Variants in DLG2 observed in about 807,000 individuals in gnomAD.
DLG2 encodes discs large MAGUK scaffold protein 2.
DLG2 carries 45 observed loss-of-function variants against 132.5 expected under a neutral mutation model. That is an observed-to-expected ratio of 0.34 (90% CI 0.27 to 0.44). The LOEUF (loss-of-function observed/expected upper bound fraction) is 0.44, where lower values mean the gene tolerates loss of function less well. Among genes scored for constraint, DLG2 ranks in the 20% least tolerant of loss-of-function variants. The pLI is 1.00. For synonymous variants in DLG2, 424 were observed against 419.6 expected (o/e 1.01, Z -0.13); for missense variants, 1,045 against 1,196.9 (o/e 0.87, Z 1.87).
intron 3 of DLG2, among the ~76,000 whole-genome samples, chr11:85,479,617 G>T (rs144882553): frequency 2.0e-5 from 3 of 152,236 alleles, no homozygotes; most frequent in Admixed American, 2.0e-4. Flanking sequence ...TACTTATCAG[G>T]AAAATGCAAA....
At chr11:85,446,899 A>T (rs2092035275) in intron 3 of DLG2, among the ~76,000 whole-genome samples, 2 of 152,110 alleles carry the variant, frequency 1.3e-5, no homozygotes, top group African/African-American at 4.8e-5. Flanking sequence ...TCTAAGAAAA[A>T]GCTTTGTATA....
intron 6 of DLG2, among the ~76,000 whole-genome samples, chr11:84,622,966 C>T (rs900241443): frequency 2.6e-5 from 4 of 152,114 alleles, no homozygotes; most frequent in African/African-American, 9.7e-5. Flanking sequence ...TCCCTTACAT[C>T]AACTTCCTCC....
At chr11:83,585,035 G>A (rs2097058302) in intron 19 of DLG2, among the ~76,000 whole-genome samples, 1 of 152,140 alleles carries the variant, frequency 6.6e-6, no homozygotes, top group South Asian at 2.1e-4. Context: ...CATCTGTAAA[G>A]TGACCTCCCT....
intron 6 of DLG2, among the ~76,000 whole-genome samples, chr11:84,631,896 G>GT (rs1309143210): frequency 6.6e-6 from 1 of 152,106 alleles, no homozygotes; most frequent in Non-Finnish European, 1.5e-5. Context: ...CTCTGGCATA[G>GT]TTTTTTCTTT....
chr11:84,745,137 A>C (rs2065201061), intron 6 of DLG2, among the ~76,000 whole-genome samples: 1 of 152,120 alleles, frequency 6.6e-6, no homozygotes, highest in South Asian at 2.1e-4. Context: ...CTCAAAAACA[A>C]TGTTTTCTTA....
At chr11:83,714,031 T>C (rs1566662717) in intron 18 of DLG2, among the ~76,000 whole-genome samples, 1 of 152,168 alleles carries the variant, frequency 6.6e-6, no homozygotes, top group African/African-American at 2.4e-5. Context: ...GTTGTGCAAG[T>C]GGGACATATT....
At chr11:84,064,123 A>G (rs1461039784) in intron 10 of DLG2, among the ~76,000 whole-genome samples, 2 of 151,782 alleles carry the variant, frequency 1.3e-5, no homozygotes, top group African/African-American at 4.8e-5. Context: ...AAGAATATAT[A>G]TATATAACAA....
intron 8 of DLG2, among the ~76,000 whole-genome samples, chr11:84,178,673 C>T (rs915772820): frequency 2.0e-5 from 3 of 151,926 alleles, no homozygotes; most frequent in African/African-American, 7.3e-5. Context: ...ATCACTGGCT[C>T]ACCATCTGGC....
intron 21 of DLG2, among the ~76,000 whole-genome samples, chr11:83,528,987 A>G (rs768719810): frequency 6.6e-6 from 1 of 152,098 alleles, no homozygotes; most frequent in Non-Finnish European, 1.5e-5. Flanking sequence ...TTAAATTCTT[A>G]TAGCTCGTGT....
rs143714577 is a variant in DLG2, at chr11:84,998,973, T to TTATA, written c.357+112684_357+112687dup. 3.3e-3 allele frequency among the ~76,000 whole-genome samples: 497 copies of TTATA among 148,710 alleles called. 5 individuals carry two copies. Among genetic ancestry groups the TTATA allele is most frequent in the East Asian group, 0.01 (51 of 5,090 alleles). On this transcript the variant is annotated intron_variant, in intron 6 of 27. Transcript: ENST00000376104. ...TGTCCCTTTTAACTTATTATTACAA[T>TTATA]TATATATATATATATATTTTATTTC...
intron 17 of DLG2, among the ~76,000 whole-genome samples, chr11:83,829,159 C>A (rs1196915430): frequency 6.7e-6 from 1 of 150,172 alleles, no homozygotes; most frequent in Non-Finnish European, 1.5e-5. Flanking sequence ...GCAAATTAAT[C>A]TTACATGACC....
intron 3 of DLG2, among the ~76,000 whole-genome samples, chr11:85,349,428 A>ATTT (rs1362482811): frequency 1.3e-5 from 2 of 152,108 alleles, no homozygotes; most frequent in Non-Finnish European, 2.9e-5. Context: ...TATTATTATT[A>ATTT]TACTCAAAGT....
chr11:84,835,116 C>G (rs745693661), intron 6 of DLG2, among the ~76,000 whole-genome samples: 43 of 151,652 alleles, frequency 2.8e-4, no homozygotes, highest in Non-Finnish European at 4.9e-4. Flanking sequence ...ACTGAAGATA[C>G]CCTTGGTAAT....
At chr11:84,714,607 C>CTCTT (rs1456868150) in intron 6 of DLG2, among the ~76,000 whole-genome samples, 44 of 99,908 alleles carry the variant, frequency 4.4e-4, no homozygotes, top group Middle Eastern at 4.7e-3. Context: ...CTTTCTCTTT[C>CTCTT]TCTTTCTCTT....
chr11:84,535,950 T>A (rs1477569668), intron 6 of DLG2, among the ~76,000 whole-genome samples: 1 of 151,496 alleles, frequency 6.6e-6, no homozygotes, highest in African/African-American at 2.4e-5. Flanking sequence ...AATTTTTTCA[T>A]ATACATATAT....
chr11:85,493,389 T>C (rs1273236397), intron 3 of DLG2, among the ~76,000 whole-genome samples: 1 of 152,204 alleles, frequency 6.6e-6, no homozygotes, highest in Admixed American at 6.5e-5. Context: ...CTCATTTCAC[T>C]AAGTCTCTGC....
chr11:83,786,855 A>T (rs944332655), intron 17 of DLG2, 63 bp from the exon 18 acceptor site: 2 of 1,484,406 alleles, frequency 1.3e-6, no homozygotes, highest in Admixed American at 1.8e-5. Context: ...GATAGAAGAA[A>T]AAAGTTTCCC....
rs2081936483 is a variant in DLG2 at position 83,938,269 on chromosome 11, T to C, written c.1341-7786A>G. Among the ~76,000 whole-genome samples, 4 of 152,198 alleles carry C rather than the reference T, an allele frequency of 2.6e-5. No homozygotes were observed. The South Asian group carries it at 6.2e-4, about 24-fold the overall frequency. ...AGGAAGTGAAAGCACCTAATTCTCT[T>C]ACCATTTCAGAGAGAGACTGAGCTA... On this transcript the variant is annotated intron_variant, in intron 14 of 27. Transcript: ENST00000376104.
intron 18 of DLG2, among the ~76,000 whole-genome samples, chr11:83,753,815 TATATATTTCATATATATATG>T: frequency 1.8e-5 from 1 of 56,940 alleles, no homozygotes; most frequent in East Asian, 4.2e-4. Flanking sequence ...ATATATCATA[TATATATTTCATATATATATG>T]ATATATATCA....
Sources: allele counts gnomAD v4.1 joint callset (sites outside exome capture counted in the v4.1 genomes callset), GRCh38; gene constraint gnomAD v4.1.1; transcripts MANE v1.5; gene names NCBI Gene and HGNC (gene_info 2026-07-23, HGNC 2026-07-21).